Variants in EXOC6B observed in about 807,000 individuals in gnomAD.
EXOC6B encodes SEC15 homolog B.
Under a neutral mutation model 113.5 loss-of-function variants are expected in EXOC6B, and 54 were observed. The observed-to-expected ratio is 0.48, with a 90% CI of 0.38 to 0.60. The LOEUF is 0.60. Among genes scored for constraint, EXOC6B ranks in the 20% least tolerant of loss-of-function variants. The probability of loss-of-function intolerance (pLI) is 0.00; values close to 1 mark genes in which losing one functional copy is unlikely to be tolerated. For missense variants in EXOC6B, 797 were observed against 977.5 expected (o/e 0.82, Z 2.46); for synonymous variants, 357 against 339.0 (o/e 1.05, Z -0.58).
intron 1 of EXOC6B, among the ~76,000 whole-genome samples, chr2:72,800,203 TAG>T (rs929264269): frequency 6.6e-6 from 1 of 152,206 alleles, no homozygotes; most frequent in African/African-American, 2.4e-5. Context: ...ATAAAATATA[TAG>T]TTTTTATTGA....
rs192138067 is a variant in EXOC6B, at chr2:72,575,625, G to T, written c.713C>A (p.Pro238His). Reference protein sequence around the residue: ...RNLDNIVLQQPRIGSKRKSKK... With the variant: ...RNLDNIVLQQHRIGSKRKSKK... ...AGATTTCCTCTTGCTACCTATTCTG[G>T]GTTGTTGCAAGACGATGTTATCCAG... Residue 238 changes from proline (P) to histidine (H), a missense_variant, in exon 7 of 22, where the codon CCC becomes CAC. Transcript: ENST00000272427. The T allele has an allele frequency of 1.0e-5, 16 of 1,606,332 alleles. 1 individual carries two copies. In the East Asian group the frequency reaches 2.9e-4, roughly 29 times the overall value.
chr2:72,627,513 A>ACT (rs1672133170), intron 6 of EXOC6B, among the ~76,000 whole-genome samples: 1 of 152,186 alleles, frequency 6.6e-6, no homozygotes, highest in Non-Finnish European at 1.5e-5. Context: ...GGATACAGTT[A>ACT]GTTTCAAGTA....
chr2:72,523,842 A>G (rs1701623943), intron 8 of EXOC6B, among the ~76,000 whole-genome samples: 1 of 150,960 alleles, frequency 6.6e-6, no homozygotes, highest in African/African-American at 2.4e-5. Flanking sequence ...ACAGCTCCTT[A>G]TCTACTGGCT....
At chr2:72,343,396 C>T (rs1689147368) in intron 19 of EXOC6B, among the ~76,000 whole-genome samples, 2 of 152,322 alleles carry the variant, frequency 1.3e-5, no homozygotes, top group East Asian at 3.9e-4. Context: ...CACTGCACTC[C>T]AGCCTGGGCA....
chr2:72,591,495 GA>G (rs1705957998), intron 6 of EXOC6B, among the ~76,000 whole-genome samples: 1 of 152,056 alleles, frequency 6.6e-6, no homozygotes, highest in Admixed American at 6.6e-5. Flanking sequence ...AGAAGAAAAA[GA>G]GTACAAAGTT....
chr2:72,344,390 T>G (rs1252455154), intron 19 of EXOC6B, among the ~76,000 whole-genome samples: 3 of 152,176 alleles, frequency 2.0e-5, no homozygotes, highest in Non-Finnish European at 2.9e-5. Context: ...AGAGTTGTTT[T>G]AAAGTCTTTG....
At chr2:72,431,485 T>TTATCTATCTATCATC (rs1553407603) in intron 18 of EXOC6B, among the ~76,000 whole-genome samples, 2 of 133,892 alleles carry the variant, frequency 1.5e-5, no homozygotes, top group African/African-American at 5.8e-5. Flanking sequence ...CTTGATTTCT[T>TTATCTATCTATCATC]TATCTATCTA....
intron 8 of EXOC6B, among the ~76,000 whole-genome samples, chr2:72,555,869 C>T (rs1407489639): frequency 2.0e-5 from 3 of 152,168 alleles, no homozygotes; most frequent in East Asian, 1.9e-4. Flanking sequence ...TGGTCTCAAA[C>T]TCCTGACCTC....
Position 72,490,606 on chromosome 2 carries a change from C to T in EXOC6B, c.1665+1712G>A, listed in dbSNP as rs143743612. ...CCATAATAGCCAAAACAAACAAAAG[C>T]GTATGCATGTTTCTTCATTCATATG... On this transcript the variant is annotated intron_variant, in intron 16 of 21. Transcript: ENST00000272427. Among the ~76,000 whole-genome samples, 201 of 152,196 alleles carry T rather than the reference C, an allele frequency of 1.3e-3. 1 individual carries two copies. Among genetic ancestry groups the T allele is most frequent in the Non-Finnish European group, 1.7e-3 (118 of 67,976 alleles).
intron 17 of EXOC6B, among the ~76,000 whole-genome samples, chr2:72,468,832 C>T (rs11675268): frequency 0.21 from 32,432 of 152,020 alleles, 5,556 homozygotes; most frequent in African/African-American, 0.48. Flanking sequence ...TTCAACAGGT[C>T]TTCTAAATAT....
chr2:72,621,037 C>T (rs1294975790), intron 6 of EXOC6B, among the ~76,000 whole-genome samples: 1 of 152,174 alleles, frequency 6.6e-6, no homozygotes, highest in Non-Finnish European at 1.5e-5. Context: ...AAAGGGAACG[C>T]TTATACACTG....
intron 19 of EXOC6B, among the ~76,000 whole-genome samples, chr2:72,364,690 T>C (rs1690510409): frequency 6.6e-6 from 1 of 152,278 alleles, no homozygotes; most frequent in African/African-American, 2.4e-5. Context: ...GTATTATTCT[T>C]ACTCTTCAGT....
At chr2:72,757,636 A>C (rs1682500760) in intron 1 of EXOC6B, among the ~76,000 whole-genome samples, 1 of 152,180 alleles carries the variant, frequency 6.6e-6, no homozygotes, top group African/African-American at 2.4e-5. Flanking sequence ...CATAGCATGT[A>C]CACCCTAGGT....
chr2:72,487,799 C>A (rs1699519785), intron 16 of EXOC6B, among the ~76,000 whole-genome samples: 1 of 152,190 alleles, frequency 6.6e-6, no homozygotes, highest in Admixed American at 6.5e-5. Context: ...GCCCTCTCAT[C>A]AAATCATATG....
chr2:72,744,319 G>A (rs758373598), intron 1 of EXOC6B, among the ~76,000 whole-genome samples: 5 of 152,180 alleles, frequency 3.3e-5, no homozygotes, highest in Non-Finnish European at 5.9e-5. Flanking sequence ...TTCAGAAAAG[G>A]CAGAGCAATC....
chr2:72,638,013 A>C (rs2104321058), intron 6 of EXOC6B, among the ~76,000 whole-genome samples: 1 of 152,218 alleles, frequency 6.6e-6, no homozygotes, highest in East Asian at 1.9e-4. Context: ...AATCAAATCA[A>C]AGCAGAAATA....
intron 16 of EXOC6B, among the ~76,000 whole-genome samples, chr2:72,488,453 T>C (rs1699550525): frequency 6.6e-6 from 1 of 152,152 alleles, no homozygotes; most frequent in African/African-American, 2.4e-5. Flanking sequence ...CAAATTCATA[T>C]ACACAACTGC....
intron 10 of EXOC6B, 37 bp downstream of exon 10, chr2:72,514,595 TAA>T (rs759762992): frequency 0.018 from 4,248 of 242,096 alleles, 124 homozygotes; most frequent in Admixed American, 0.11. Context: ...AATAAATAAA[TAA>T]ATAAATAAAT....
At chr2:72,242,190 A>C (rs1458471234) in intron 20 of EXOC6B, among the ~76,000 whole-genome samples, 3 of 152,192 alleles carry the variant, frequency 2.0e-5, no homozygotes, top group Admixed American at 6.6e-5. Flanking sequence ...AGACTCTGTC[A>C]AAGAAAAGAA....
Sources: gnomAD v4.1 joint callset for allele counts (sites outside exome capture counted in the v4.1 genomes callset) on GRCh38, gnomAD v4.1.1 for gene constraint, MANE v1.5 for transcripts, NCBI Gene and HGNC (gene_info 2026-07-23, HGNC 2026-07-21) for gene names.